The following TENM1 variants were observed in gnomAD, a reference collection of about 807,000 sequenced individuals.
The protein encoded by TENM1 is teneurin-1.
A neutral mutation model predicts 174.8 loss-of-function variants in TENM1; 35 were observed. That is an observed-to-expected ratio of 0.20 (90% CI 0.15 to 0.27). The LOEUF (loss-of-function observed/expected upper bound fraction) is 0.27. Among genes scored for constraint, TENM1 ranks in the 10% least tolerant of loss-of-function variants. TENM1 has a pLI of 1.00. For synonymous variants in TENM1, 781 were observed against 798.7 expected (o/e 0.98, Z 0.37); for missense variants, 1,633 against 2,130.1 (o/e 0.77, Z 4.59).
chrX:124,493,857 TG>T (rs2047124968), intron 20 of TENM1, among the ~76,000 whole-genome samples: 1 of 111,829 alleles, frequency 8.9e-6, no homozygotes, highest in African/African-American at 3.2e-5. Flanking sequence ...AAAAGTGCTT[TG>T]TCTTTATTAT....
rs915966349 is a variant in TENM1, at chrX:124,391,980, T to C, written c.5688+72A>G. On this transcript the variant is annotated intron_variant, in intron 28 of 31. Coordinates refer to ENST00000422452, the Ensembl canonical transcript of TENM1. ...TTTCTCCTGCAGGTCCTCACCAAGA[T>C]GGACAATTAGGGCCATTTTCGATAG... 4 of 916,951 alleles carry C rather than the reference T, an allele frequency of 4.4e-6. No individual in the cohort carries two copies. In the African/African-American group the frequency reaches 7.9e-5, roughly 18 times the overall value. 75.6% of individuals were successfully genotyped at this position (916,951 alleles called of 1,213,427 possible).
chrX:124,742,158 T>C (rs1390938018), intron 3 of TENM1, among the ~76,000 whole-genome samples: 1 of 111,815 alleles, frequency 8.9e-6, no homozygotes, highest in Non-Finnish European at 1.9e-5. Flanking sequence ...AGTGACACTG[T>C]GACAATACCT....
intron 11 of TENM1, among the ~76,000 whole-genome samples, chrX:124,589,110 T>C (rs1257795633): frequency 2.0e-5 from 2 of 100,228 alleles, no homozygotes; most frequent in Admixed American, 1.1e-4. Context: ...TTTTTTTTTA[T>C]CATGAAGGTA....
At chrX:124,603,930 T>A (rs749338202) in intron 11 of TENM1, among the ~76,000 whole-genome samples, 12 of 111,482 alleles carry the variant, frequency 1.1e-4, no homozygotes, top group South Asian at 3.7e-4. Context: ...TTACTTTTTT[T>A]ATTTAAGCTA....
chrX:124,544,528 G>T (rs16999292), intron 15 of TENM1, among the ~76,000 whole-genome samples: 6 of 112,220 alleles, frequency 5.3e-5, no homozygotes, highest in African/African-American at 6.5e-5. Flanking sequence ...TGTATCAAAA[G>T]GTCCATTTCA....
At chrX:124,652,290 G>A (rs1291120118) in intron 7 of TENM1, among the ~76,000 whole-genome samples, 166 bp from the exon 11 acceptor site, 2 of 111,425 alleles carry the variant, frequency 1.8e-5, no homozygotes, top group Non-Finnish European at 3.8e-5. Flanking sequence ...CAGGCACGGT[G>A]GCTCATGCCT....
the TENM1 span, among the ~76,000 whole-genome samples, chrX:125,189,626 T>C: frequency 0.022 from 2,475 of 111,814 alleles, 58 homozygotes; most frequent in African/African-American, 0.076. Flanking sequence ...TAGATAATAA[T>C]ATTCTACTTC....
intron 11 of TENM1, among the ~76,000 whole-genome samples, chrX:124,596,003 T>C (rs2049882635): frequency 1.8e-5 from 2 of 112,424 alleles, no homozygotes; most frequent in African/African-American, 6.4e-5. Flanking sequence ...TAAATATGCA[T>C]TGCATTTAAT....
chrX:125,164,429 C>A, the TENM1 span, among the ~76,000 whole-genome samples: 3 of 111,774 alleles, frequency 2.7e-5, no homozygotes. Context: ...TTAATCTCTC[C>A]AGATTGTAGA....
intron 28 of TENM1, among the ~76,000 whole-genome samples, chrX:124,390,683 A>G (rs1050296554): frequency 2.7e-5 from 3 of 112,307 alleles, no homozygotes; most frequent in African/African-American, 9.7e-5. Flanking sequence ...AGTGATCAGT[A>G]GCACTGTTTT....
intron 10 of TENM1, among the ~76,000 whole-genome samples, chrX:124,644,169 G>T (rs952284925): frequency 1.1e-5 from 1 of 89,475 alleles, no homozygotes; most frequent in Non-Finnish European, 2.1e-5. Context: ...GGCATATATG[G>T]CATATATATA....
intron 22 of TENM1, among the ~76,000 whole-genome samples, chrX:124,465,868 G>A (rs1396327966): frequency 1.8e-5 from 2 of 111,066 alleles, no homozygotes; most frequent in African/African-American, 3.3e-5. Context: ...TCAAGGGCAG[G>A]GACCATATCT....
At chrX:125,112,004 T>C in the TENM1 span, among the ~76,000 whole-genome samples, 6 of 111,301 alleles carry the variant, frequency 5.4e-5, no homozygotes, top group Admixed American at 1.9e-4. Context: ...TCCATAATAA[T>C]CTTTCTTTAC....
chrX:124,840,659 C>T (rs1381876291), intron 3 of TENM1, among the ~76,000 whole-genome samples: 1 of 111,569 alleles, frequency 9.0e-6, no homozygotes, highest in African/African-American at 3.3e-5. Flanking sequence ...GTACATAGCA[C>T]AACATCTCTG....
chrX:124,870,497 G>A (rs2057090066), intron 3 of TENM1, among the ~76,000 whole-genome samples: 1 of 111,906 alleles, frequency 8.9e-6, no homozygotes, highest in African/African-American at 3.3e-5. Context: ...GCAGTAGTGT[G>A]TAGAATGGGT....
At chrX:124,598,431 G>A (rs2049955103) in intron 11 of TENM1, among the ~76,000 whole-genome samples, 1 of 111,637 alleles carries the variant, frequency 9.0e-6, no homozygotes, top group South Asian at 3.7e-4. Context: ...AGAGAAATCT[G>A]CACCCCTATG....
chrX:124,441,546 TTATAA>T (rs1404703095), intron 23 of TENM1, among the ~76,000 whole-genome samples: 1 of 112,284 alleles, frequency 8.9e-6, no homozygotes, highest in Non-Finnish European at 1.9e-5. Flanking sequence ...ATTTCTGCAC[TTATAA>T]TATAAGCCTT....
At chrX:124,689,583 C>T (rs998440166) in intron 5 of TENM1, among the ~76,000 whole-genome samples, 10 of 111,198 alleles carry the variant, frequency 9.0e-5, no homozygotes, top group Middle Eastern at 4.7e-3. Flanking sequence ...CAGACAGATT[C>T]GAAGAGTAAT....
At chrX:124,693,725 T>G (rs1230983232) in intron 5 of TENM1, among the ~76,000 whole-genome samples, 2 of 111,548 alleles carry the variant, frequency 1.8e-5, no homozygotes, top group Non-Finnish European at 3.8e-5. Context: ...TTTATTGCTG[T>G]TTTTTTCTGC....
Sources: allele counts gnomAD v4.1 joint callset (sites outside exome capture counted in the v4.1 genomes callset), GRCh38; gene constraint gnomAD v4.1.1; transcripts MANE v1.5; gene names NCBI Gene and HGNC (gene_info 2026-07-23, HGNC 2026-07-21).